Variants in TP53BP1 observed in about 807,000 individuals in gnomAD.
TP53BP1 encodes tumor protein p53 binding protein 1.
TP53BP1 carries 61 observed loss-of-function variants against 200.8 expected under a neutral mutation model. The ratio of observed to expected loss-of-function variants is 0.30; its 90% CI spans 0.25 to 0.38. TP53BP1 has a LOEUF of 0.38. Among genes scored for constraint, TP53BP1 ranks in the 10% least tolerant of loss-of-function variants. The pLI is 1.00. For synonymous variants in TP53BP1, 822 were observed against 844.3 expected (o/e 0.97, Z 0.46); for missense variants, 2,144 against 2,371.9 (o/e 0.90, Z 2.00).
In TP53BP1 at chr15:43,477,601, T is replaced by C. The variant is rs1347804316; in HGVS notation, c.947A>G (p.Asn316Ser). The C allele has an allele frequency of 1.2e-6, 2 of 1,608,448 alleles. No homozygotes were observed. The highest frequency in any genetic ancestry group is 1.7e-6 in the Non-Finnish European group (2 of 1,178,392). Residue 316 changes from asparagine (N) to serine (S), a missense_variant, in exon 8 of 28, where the codon AAT (asparagine) becomes AGT (serine). Transcript: ENST00000382044. ...STQEDLFDQSNKTVSSDGCST... is the reference protein window; with the variant it reads ...STQEDLFDQSSKTVSSDGCST... ...CAAATCACTCTTGGTACCTGTTTTA[T>C]TGCTCTGGTCAAACAAGTCTTCCTG... is the stretch of plus-strand genomic sequence containing the variant.
At chr15:43,411,847 T>G (rs2045125274) in intron 24 of TP53BP1, among the ~76,000 whole-genome samples, 1 of 152,210 alleles carries the variant, frequency 6.6e-6, no homozygotes, top group African/African-American at 2.4e-5. Context: ...TTGACTATGC[T>G]GAACCAAGCA....
chr15:43,495,495 T>TCACACACACACACACACACACACA (rs376410840), upstream of TP53BP1, among the ~76,000 whole-genome samples: 2 of 133,352 alleles, frequency 1.5e-5, no homozygotes, highest in African/African-American at 5.6e-5. Flanking sequence ...TGAGACTCCG[T>TCACACACACACACACACACACACA]CACACACACA....
At chr15:43,407,826 C>T in intron 27 of TP53BP1, 117 bp downstream of exon 27, 3 of 1,110,942 alleles carry the variant, frequency 2.7e-6, no homozygotes, top group Non-Finnish European at 2.6e-6. Context: ...CTTTTCTTCT[C>T]TAAGAAACAT....
At chr15:43,479,671 C>A in intron 6 of TP53BP1, 145 bp from the exon 7 acceptor site, 1 of 1,166,150 alleles carries the variant, frequency 8.6e-7, no homozygotes, top group Non-Finnish European at 1.2e-6. Flanking sequence ...AGGAAAGTAA[C>A]CAATAACTTA....
At chr15:43,434,402 A>G (rs1352334916) in intron 16 of TP53BP1, among the ~76,000 whole-genome samples, 1 of 152,248 alleles carries the variant, frequency 6.6e-6, no homozygotes, top group East Asian at 1.9e-4. Context: ...TTCAAAAGCC[A>G]GAAGAGCCAG....
In TP53BP1 at chr15:43,409,073, A is replaced by G. The variant is rs1393072123; in HGVS notation, c.5424T>C (p.Leu1808=). ...EAQCNTAYQC[L]LIADQHCRTR... is the part of the protein sequence containing the mutation. ...TTCGACAATGCTGATCCGCAATTAG[A>G]AGACACTGGTAAGCTGTGTTACACT... Residue 1808 remains leucine, a synonymous_variant, in exon 26 of 28, where the codon CTT becomes CTC. Transcript: ENST00000382044. 6.2e-7 allele frequency: 1 copy of G among 1,614,204 alleles called. No individual in the cohort carries two copies. Among genetic ancestry groups the G allele is most frequent in the African/African-American group, 1.3e-5 (1 of 75,056 alleles).
chr15:43,421,672 G>C (rs1348400063), intron 19 of TP53BP1, 183 bp downstream of exon 19: 1 of 819,672 alleles, frequency 1.2e-6, no homozygotes, highest in Non-Finnish European at 1.9e-6. Context: ...ACCTGCCACA[G>C]GGCTCCACCC....
chr15:43,474,898 A>C, intron 9 of TP53BP1, 131 bp from the exon 10 acceptor site: 1 of 577,472 alleles, frequency 1.7e-6, no homozygotes, highest in Non-Finnish European at 3.0e-6. Flanking sequence ...ACTTTTCCCC[A>C]ACAGCAACCT....
chr15:43,432,325 C>A lies in TP53BP1; in HGVS notation c.3544G>T (p.Val1182Leu). Reference protein sequence around the residue: ...VSAATQTIKNVCEQGTSTVDQ... With the variant: ...VSAATQTIKNLCEQGTSTVDQ... ...ACTGTACTGGTCCCCTGCTCACACA[C>A]ATTCTTTATAGTCTGGGTTGCTGCT... The change falls in exon 17 of 28, where the codon GTG becomes TTG. Residue 1182 changes from valine to leucine, a missense_variant. By Grantham distance (32) the Val-to-Leu change is conservative (BLOSUM62 1). Coordinates refer to ENST00000382044, the MANE Select transcript of TP53BP1 (RefSeq NM_001141980.3). 1.2e-6 allele frequency: 2 copies of A among 1,614,216 alleles called. No individual in the cohort carries two copies. The highest frequency in any genetic ancestry group is 8.5e-7 in the Non-Finnish European group (1 of 1,180,032).
chr15:43,479,272 T>C, intron 7 of TP53BP1, 125 bp downstream of exon 7: 1 of 969,658 alleles, frequency 1.0e-6, no homozygotes, highest in Non-Finnish European at 1.5e-6. Flanking sequence ...ACCACAAGTA[T>C]GCCCAGTACA....
chr15:43,500,278 C>A (rs1349277911), intron 1 of TP53BP1, among the ~76,000 whole-genome samples: 4 of 152,164 alleles, frequency 2.6e-5, no homozygotes, highest in Non-Finnish European at 5.9e-5. Context: ...CTTCTGGTTG[C>A]TTATAACAAA....
upstream of TP53BP1, among the ~76,000 whole-genome samples, chr15:43,493,659 T>A (rs927259089): frequency 6.6e-6 from 1 of 152,184 alleles, no homozygotes; most frequent in Admixed American, 6.5e-5. Context: ...TTTGTGGGCC[T>A]CTACCCTGAA....
At chr15:43,508,936 T>C (rs1195081846) in intron 1 of TP53BP1, among the ~76,000 whole-genome samples, 1 of 152,186 alleles carries the variant, frequency 6.6e-6, no homozygotes, top group African/African-American at 2.4e-5. Context: ...GATCCTTCCC[T>C]ATACCATTCA....
chr15:43,414,184 A>G, intron 23 of TP53BP1: 1 of 450,738 alleles, frequency 2.2e-6, no homozygotes, highest in South Asian at 1.7e-5. Context: ...CGAGGCTGGA[A>G]TTAGAAGTGA....
chr15:43,413,535 AAG>A (rs972856648), intron 23 of TP53BP1, among the ~76,000 whole-genome samples: 7 of 152,192 alleles, frequency 4.6e-5, no homozygotes, highest in African/African-American at 1.4e-4. Flanking sequence ...ATTTACAACA[AAG>A]AGAAATTTAC....
chr15:43,462,265 T>C (rs1443524059), intron 11 of TP53BP1, among the ~76,000 whole-genome samples: 1 of 143,064 alleles, frequency 7.0e-6, no homozygotes, highest in Non-Finnish European at 1.5e-5. Context: ...CTAAGAGTTG[T>C]TATTTCTGAG....
chr15:43,453,272 C>T (rs1566943083), intron 12 of TP53BP1, among the ~76,000 whole-genome samples: 1 of 149,812 alleles, frequency 6.7e-6, no homozygotes, highest in Non-Finnish European at 1.5e-5. Flanking sequence ...ATTTTGTTGG[C>T]ACAGGTCATT....
chr15:43,492,715 A>AC (rs1566969220), intron 1 of TP53BP1, among the ~76,000 whole-genome samples: 1 of 149,874 alleles, frequency 6.7e-6, no homozygotes, highest in Non-Finnish European at 1.5e-5. Flanking sequence ...TCTCGTAGAC[A>AC]CCCTTTCCCC....
rs369652943 is a variant in TP53BP1 at position 43,480,891 on chromosome 15, C to T, written c.499+4G>A. 1 of 1,614,048 alleles carries T rather than the reference C, an allele frequency of 6.2e-7. No individual in the cohort carries two copies. Among genetic ancestry groups the T allele is most frequent in the African/African-American group, 1.3e-5 (1 of 75,044 alleles). ...CTATTATTCTGAAAAAAGCACAAGGCTACCTTCAGCACCAAGGGAATGTGT... is the reference window on the plus strand; with the variant it reads ...CTATTATTCTGAAAAAAGCACAAGGTTACCTTCAGCACCAAGGGAATGTGT... On this transcript the variant is annotated splice_donor_region_variant and intron_variant, in intron 5 of 27. Transcript: ENST00000382044.
Sources: allele counts gnomAD v4.1 joint callset (sites outside exome capture counted in the v4.1 genomes callset), GRCh38; gene constraint gnomAD v4.1.1; transcripts MANE v1.5; gene names NCBI Gene and HGNC (gene_info 2026-07-23, HGNC 2026-07-21).